DSCAM: variants seen among roughly 807,000 people sequenced by gnomAD.
The protein encoded by DSCAM is cell adhesion molecule DSCAM.
In DSCAM, 47 loss-of-function variants were observed where a neutral mutation model predicts 217.7. That is an observed-to-expected ratio of 0.22 (90% confidence interval 0.17 to 0.28). The LOEUF is 0.28. DSCAM is among the 10% of genes least tolerant of loss of function. The pLI, the probability that DSCAM is intolerant of heterozygous loss-of-function variation, is 1.00. For synonymous variants in DSCAM, 1,056 were observed against 1,015.3 expected, an observed-to-expected ratio of 1.04 and a Z score of -0.76; for missense variants, 2,080 against 2,618.3, an observed-to-expected ratio of 0.79 and a Z score of 4.49.
At position 40,100,234 on chromosome 21, in the gene DSCAM, G is replaced by GA. The variant is rs1170556873; in HGVS notation, c.3697-6361dup. Among the ~76,000 whole-genome samples the GA allele has an allele frequency of 3.9e-5, 6 of 151,970 alleles. No homozygotes were observed. In the East Asian group the frequency reaches 7.7e-4, roughly 20 times the overall value. The stretch of plus-strand genomic sequence containing the variant: ...TTTTAACAGTAGGTAGGAGAAAAAA[G>GA]AAAAAAAGAGCAAAATGGGAAGAAA... On this transcript the variant is annotated intron_variant, in intron 20 of 32. Transcript: ENST00000400454.
chr21:40,061,649 A>T (rs979496915), intron 28 of DSCAM, among the ~76,000 whole-genome samples: 18 of 152,098 alleles, frequency 1.2e-4, no homozygotes, highest in African/African-American at 4.1e-4. Context: ...GTTTTGAAAT[A>T]CGGTATGGCC....
intron 3 of DSCAM, among the ~76,000 whole-genome samples, chr21:40,541,583 A>C (rs1424881300): frequency 6.6e-6 from 1 of 152,158 alleles, no homozygotes; most frequent in Non-Finnish European, 1.5e-5. Context: ...TAAAATGTTT[A>C]ATATATCACA....
At chr21:40,140,579 T>C (rs1398016626) in intron 18 of DSCAM, among the ~76,000 whole-genome samples, 2 of 152,188 alleles carry the variant, frequency 1.3e-5, no homozygotes, top group Non-Finnish European at 2.9e-5. Flanking sequence ...GGGTATTTAA[T>C]TTCATCCACT....
chr21:40,070,410 GAA>G (rs959716707), intron 27 of DSCAM, among the ~76,000 whole-genome samples: 9 of 149,670 alleles, frequency 6.0e-5, no homozygotes, highest in Non-Finnish European at 1.2e-4. Flanking sequence ...GAAAAGAAAA[GAA>G]AAGAAAAAGA....
At chr21:40,748,206 T>G (rs2091193673) in intron 1 of DSCAM, among the ~76,000 whole-genome samples, 1 of 151,934 alleles carries the variant, frequency 6.6e-6, no homozygotes, top group African/African-American at 2.4e-5. Context: ...GCACTGAAGA[T>G]TCTGTCCAGA....
intron 3 of DSCAM, among the ~76,000 whole-genome samples, chr21:40,389,792 A>G (rs1392995082): frequency 6.6e-6 from 1 of 152,242 alleles, no homozygotes; most frequent in Non-Finnish European, 1.5e-5. Flanking sequence ...CCCAATGGCC[A>G]TGCCACGTGT....
intron 3 of DSCAM, among the ~76,000 whole-genome samples, chr21:40,532,507 T>C (rs534157829): frequency 2.0e-5 from 3 of 152,066 alleles, no homozygotes; most frequent in South Asian, 2.1e-4. Context: ...ATGAAAGCTA[T>C]AGGGAAACAT....
chr21:40,124,200 G>A lies in DSCAM; in HGVS notation c.3691C>T (p.Pro1231Ser). 4 of 1,614,044 alleles carry A rather than the reference G, an allele frequency of 2.5e-6. No homozygotes were observed. The highest frequency in any genetic ancestry group is 3.4e-6 in the Non-Finnish European group (4 of 1,180,008). ...TTGGTTATTTACCAACTTACTGTGG[G>A]ATAGGGGTGGGAGCAGAATACAGTG... ...KYTVFCSHPY[P>S]TVISEFEASP... The change falls in exon 20 of 33, where the codon CCC becomes TCC. Residue 1231 changes from proline (P) to serine (S), a missense_variant. Coordinates refer to ENST00000400454, the MANE Select transcript of DSCAM (RefSeq NM_001389.5).
chr21:40,196,293 C>A (rs1199756503), intron 11 of DSCAM, among the ~76,000 whole-genome samples: 1 of 152,134 alleles, frequency 6.6e-6, no homozygotes, highest in Non-Finnish European at 1.5e-5. Flanking sequence ...TGGGCAGGAC[C>A]CTTGGCCGTC....
At chr21:40,226,477 T>A (rs964777475) in intron 11 of DSCAM, among the ~76,000 whole-genome samples, 1 of 152,140 alleles carries the variant, frequency 6.6e-6, no homozygotes, top group African/African-American at 2.4e-5. Flanking sequence ...GAAGAGATTC[T>A]ATATTAAAAT....
At chr21:40,635,877 T>C (rs1428488248) in intron 3 of DSCAM, among the ~76,000 whole-genome samples, 1 of 152,174 alleles carries the variant, frequency 6.6e-6, no homozygotes, top group African/African-American at 2.4e-5. Context: ...TGTTGCTGAC[T>C]CAAATAGAGA....
At chr21:40,306,522 G>A (rs1447144750) in intron 9 of DSCAM, among the ~76,000 whole-genome samples, 25 of 145,840 alleles carry the variant, frequency 1.7e-4, no homozygotes, top group African/African-American at 2.9e-4. Context: ...TCTTGTGCCA[G>A]TTTTCAAAGG....
At chr21:40,294,520 T>C (rs1021455398) in intron 10 of DSCAM, among the ~76,000 whole-genome samples, 1 of 152,234 alleles carries the variant, frequency 6.6e-6, no homozygotes, top group Non-Finnish European at 1.5e-5. Flanking sequence ...GCCTTGTATA[T>C]GGCTGGTGCC....
At chr21:40,805,154 T>C (rs892913349) in intron 1 of DSCAM, among the ~76,000 whole-genome samples, 3 of 152,216 alleles carry the variant, frequency 2.0e-5, no homozygotes, top group Admixed American at 2.0e-4. Flanking sequence ...ACTTCTCTTC[T>C]TATAATAATC....
At chr21:40,293,191 A>C (rs1423241365) in intron 10 of DSCAM, among the ~76,000 whole-genome samples, 3 of 152,174 alleles carry the variant, frequency 2.0e-5, no homozygotes, top group African/African-American at 7.2e-5. Context: ...GACCCTTTAT[A>C]GCCAGGGGCG....
chr21:40,646,374 G>GCA (rs35593099), intron 3 of DSCAM, among the ~76,000 whole-genome samples: 57,073 of 149,028 alleles, frequency 0.38, 11,685 homozygotes, highest in East Asian at 0.6. Context: ...GCTTGCCATT[G>GCA]CACTCCAGCC....
At chr21:40,696,970 A>C (rs1312570968) in intron 2 of DSCAM, among the ~76,000 whole-genome samples, 1 of 152,094 alleles carries the variant, frequency 6.6e-6, no homozygotes, top group Non-Finnish European at 1.5e-5. Context: ...ATTAACTATA[A>C]TTTCCCTACT....
At chr21:40,487,905 G>A (rs1266942386) in intron 3 of DSCAM, among the ~76,000 whole-genome samples, 1 of 152,178 alleles carries the variant, frequency 6.6e-6, no homozygotes, top group Non-Finnish European at 1.5e-5. Context: ...ATTGCCAGTT[G>A]ATTAGAGTCA....
At chr21:40,534,985 T>C (rs2076484088) in intron 3 of DSCAM, among the ~76,000 whole-genome samples, 1 of 152,132 alleles carries the variant, frequency 6.6e-6, no homozygotes, top group Non-Finnish European at 1.5e-5. Flanking sequence ...ACTTTTCTGA[T>C]AGACATACCT....
Sources: gnomAD v4.1 joint callset for allele counts (sites outside exome capture counted in the v4.1 genomes callset) on GRCh38, gnomAD v4.1.1 for gene constraint, MANE v1.5 for transcripts, NCBI Gene and HGNC (gene_info 2026-07-23, HGNC 2026-07-21) for gene names.